SLC36A1: variants seen among roughly 807,000 people sequenced by gnomAD.
SLC36A1 encodes the protein proton-coupled amino acid transporter 1.
In SLC36A1, 30 loss-of-function variants were observed where a neutral mutation model predicts 47.5. That is an observed-to-expected ratio of 0.63 (90% CI 0.47 to 0.86). The LOEUF is 0.86. Ranked by LOEUF, SLC36A1 falls within the 40% of genes least tolerant of loss-of-function variation. The pLI is 0.00. For synonymous variants in SLC36A1, 255 were observed against 249.7 expected (o/e 1.02, Z -0.20); for missense variants, 517 against 606.0 (o/e 0.85, Z 1.54).
the SLC36A1 span, among the ~76,000 whole-genome samples, chr5:151,357,834 C>T: frequency 1.3e-5 from 2 of 152,224 alleles, no homozygotes; most frequent in Admixed American, 6.5e-5. Context: ...TGCTGGTATT[C>T]TCCACGATTA....
the SLC36A1 span, among the ~76,000 whole-genome samples, chr5:151,421,672 C>T: frequency 1.3e-5 from 2 of 151,600 alleles, no homozygotes; most frequent in African/African-American, 4.9e-5. Context: ...CTCACTGCAA[C>T]CTCTGCCTCC....
At chr5:151,487,865 G>A in intron 10 of SLC36A1, 118 bp from the exon 11 acceptor site, 2 of 1,257,862 alleles carry the variant, frequency 1.6e-6, no homozygotes, top group South Asian at 1.5e-5. Context: ...CAATGTCTAA[G>A]TTTTCTTAGA....
At chr5:151,464,292 C>T (rs377125351) in intron 3 of SLC36A1, among the ~76,000 whole-genome samples, 7 of 152,196 alleles carry the variant, frequency 4.6e-5, no homozygotes, top group South Asian at 2.1e-4. Flanking sequence ...TTCTTCTCCA[C>T]GTGACTAAAT....
chr5:151,521,602 G>A, the SLC36A1 span: 2 of 1,614,216 alleles, frequency 1.2e-6, no homozygotes, highest in Non-Finnish European at 1.7e-6. Flanking sequence ...GTGAATGTTA[G>A]CCCGTTTGAT....
At chr5:151,445,487 G>A (rs934909507), upstream of SLC36A1, among the ~76,000 whole-genome samples, 1 of 152,128 alleles carries the variant, frequency 6.6e-6, no homozygotes, top group Non-Finnish European at 1.5e-5. Flanking sequence ...GGTGATGCTG[G>A]CCTCATAAAA....
At chr5:151,358,318 G>A in the SLC36A1 span, among the ~76,000 whole-genome samples, 1 of 151,746 alleles carries the variant, frequency 6.6e-6, no homozygotes, top group Non-Finnish European at 1.5e-5. Context: ...CTGTCACCCA[G>A]GTTGTAGTGC....
At chr5:151,371,834 C>T in the SLC36A1 span, among the ~76,000 whole-genome samples, 1 of 152,020 alleles carries the variant, frequency 6.6e-6, no homozygotes, top group Non-Finnish European at 1.5e-5. Context: ...GTGTACTGAT[C>T]TTCCTTGGTT....
the SLC36A1 span, among the ~76,000 whole-genome samples, chr5:151,518,583 G>C: frequency 6.6e-6 from 1 of 152,050 alleles, no homozygotes; most frequent in African/African-American, 2.4e-5. Flanking sequence ...AATCATTTAG[G>C]TAAACAATAA....
At chr5:151,505,185 A>C in the SLC36A1 span, 2 of 305,904 alleles carry the variant, frequency 6.5e-6, no homozygotes, top group Non-Finnish European at 6.2e-6. Context: ...GTGGGCAGGT[A>C]TGAGAATGCA....
chr5:151,441,273 T>A (rs1451175858), intron 1 of SLC36A1, among the ~76,000 whole-genome samples: 2 of 152,142 alleles, frequency 1.3e-5, no homozygotes, highest in Admixed American at 1.3e-4. Context: ...ATGGGCAACA[T>A]AGCAAGACCT....
At chr5:151,521,200 T>G in the SLC36A1 span, 3 of 1,449,402 alleles carry the variant, frequency 2.1e-6, no homozygotes, top group Admixed American at 6.4e-5. Context: ...AGAGCCTCAG[T>G]GGAATCTCCA....
At chr5:151,552,639 G>A in the SLC36A1 span, among the ~76,000 whole-genome samples, 1 of 152,198 alleles carries the variant, frequency 6.6e-6, no homozygotes, top group Admixed American at 6.5e-5. Context: ...GAAGGGTTCT[G>A]TGACCCCCAG....
At chr5:151,364,797 A>G in the SLC36A1 span, among the ~76,000 whole-genome samples, 1 of 152,150 alleles carries the variant, frequency 6.6e-6, no homozygotes, top group Non-Finnish European at 1.5e-5. Flanking sequence ...CTCCAAGGAC[A>G]CCAACAGGCT....
chr5:151,499,066 C>T, the SLC36A1 span, among the ~76,000 whole-genome samples: 1 of 152,102 alleles, frequency 6.6e-6, no homozygotes, highest in Non-Finnish European at 1.5e-5. Context: ...AGTGTAGTCT[C>T]CTTCTGTAGT....
chr5:151,483,433 AGCTGAGCT>A (rs907971034), intron 10 of SLC36A1, among the ~76,000 whole-genome samples: 10 of 149,358 alleles, frequency 6.7e-5, no homozygotes, highest in African/African-American at 2.5e-4. Flanking sequence ...TACACGCCAC[AGCTGAGCT>A]GCTGCTGAGA....
At chr5:151,535,244 T>C in the SLC36A1 span, among the ~76,000 whole-genome samples, 1 of 152,020 alleles carries the variant, frequency 6.6e-6, no homozygotes, top group African/African-American at 2.4e-5. Context: ...TCTTTTGTTA[T>C]AATGTTGGGT....
chr5:151,433,525 A>G (rs1392154589), upstream of SLC36A1, among the ~76,000 whole-genome samples: 1 of 150,992 alleles, frequency 6.6e-6, no homozygotes, highest in Non-Finnish European at 1.5e-5. Context: ...TCCTGACCTC[A>G]GGTGATCCGC....
chr5:151,382,187 G>C, the SLC36A1 span: 1 of 1,103,338 alleles, frequency 9.1e-7, no homozygotes, highest in Non-Finnish European at 1.4e-6. Flanking sequence ...CACTGAATGA[G>C]CAGCGTCTGA....
the SLC36A1 span, chr5:151,526,100 T>A: frequency 1.2e-6 from 1 of 854,648 alleles, no homozygotes; most frequent in Admixed American, 2.1e-5. Flanking sequence ...GACATCAAGC[T>A]GCTGCTCATT....
Sources: allele counts gnomAD v4.1 joint callset (sites outside exome capture counted in the v4.1 genomes callset), GRCh38; gene constraint gnomAD v4.1.1; transcripts MANE v1.5; gene names NCBI Gene and HGNC (gene_info 2026-07-23, HGNC 2026-07-21).